CCDC141: variants seen among roughly 807,000 people sequenced by gnomAD.
The protein encoded by CCDC141 is coiled-coil domain-containing protein 141.
In CCDC141, 168 loss-of-function variants were observed where a neutral mutation model predicts 181.0. That is an observed-to-expected ratio of 0.93 (90% CI 0.82 to 1.05). The LOEUF is 1.05. Among genes scored for constraint, CCDC141 ranks in the 50% least tolerant of loss-of-function variants. The pLI is 0.00. For synonymous variants in CCDC141, 666 were observed against 642.3 expected (o/e 1.04, Z -0.56); for missense variants, 1,902 against 1,788.5 (o/e 1.06, Z -1.14).
At chr2:178,842,250 A>G (rs12468141) in intron 22 of CCDC141, among the ~76,000 whole-genome samples, 11,263 of 152,282 alleles carry the variant, frequency 0.074, 602 homozygotes, top group Admixed American at 0.16. Flanking sequence ...TATCAAATTG[A>G]GAGGCTGATC....
Position 179,015,911 on chromosome 2 carries a change from A to C in CCDC141, c.225+31373T>G, listed in dbSNP as rs182811489. 2.1e-3 allele frequency among the ~76,000 whole-genome samples: 282 copies of C among 133,372 alleles called. 1 individual carries two copies. Among genetic ancestry groups the C allele is most frequent in the Non-Finnish European group, 3.5e-3 (227 of 64,738 alleles). The allele number at this position is 133,372 out of a possible 152,430, so 87.5% of individuals were successfully genotyped here. A position where few individuals can be genotyped will look rare whatever the true frequency, so the allele number is the denominator to read the frequency against. On this transcript the variant is annotated intron_variant, in intron 2 of 23. Coordinates refer to ENST00000443758, the MANE Select transcript of CCDC141 (RefSeq NM_173648.4). ...TATATCTCATATATGTATCATATAT[A>C]TCTCATATATATCATATAATTTCAT...
chr2:179,038,454 T>C (rs1467590843), intron 2 of CCDC141, among the ~76,000 whole-genome samples: 3 of 152,120 alleles, frequency 2.0e-5, no homozygotes, highest in Non-Finnish European at 4.4e-5. Context: ...TTGCACAACA[T>C]TGTGAATGTA....
chr2:178,872,334 T>C, intron 12 of CCDC141, 22 bp from the exon 13 acceptor site: 1 of 1,580,168 alleles, frequency 6.3e-7, no homozygotes, highest in Non-Finnish European at 8.6e-7. Flanking sequence ...ATAATTCATA[T>C]AATAGCTTTT....
intron 8 of CCDC141, among the ~76,000 whole-genome samples, chr2:178,899,515 A>G (rs1019237497): frequency 1.3e-5 from 2 of 152,200 alleles, no homozygotes; most frequent in African/African-American, 4.8e-5. Flanking sequence ...TTCATTTTAC[A>G]AAGAGAAAAC....
chr2:178,866,618 A>G lies in CCDC141; in HGVS notation c.2575-702T>C, dbSNP rs572542312. Among the ~76,000 whole-genome samples, 4 of 152,350 alleles carry G rather than the reference A, an allele frequency of 2.6e-5. No homozygotes were observed. The South Asian group carries it at 8.3e-4, about 32-fold the overall frequency. On this transcript the variant is annotated intron_variant, in intron 16 of 23. Transcript: ENST00000443758. ...GGGCCATTATGATTTTATTAATGTT[A>G]TACCTATTGTTAGAGTAAACATAAT...
chr2:178,999,320 G>A (rs1692418513), intron 2 of CCDC141, among the ~76,000 whole-genome samples: 1 of 152,094 alleles, frequency 6.6e-6, no homozygotes, highest in Non-Finnish European at 1.5e-5. Context: ...AAGGCCCACT[G>A]AGTCAACTCC....
At position 178,831,533 on chromosome 2, in the gene CCDC141, G is replaced by A. The variant is rs866010665; in HGVS notation, c.*2640C>T. 1 of 152,250 alleles carries A rather than the reference G, an allele frequency of 6.6e-6. No homozygotes were observed. Among genetic ancestry groups the A allele is most frequent in the South Asian group, 2.1e-4 (1 of 4,820 alleles). The allele number at this position is 152,250 out of a possible 1,614,324, so 9.4% of individuals were successfully genotyped here. On this transcript the variant is annotated 3_prime_UTR_variant, in exon 24 of 24. Coordinates refer to ENST00000443758, the MANE Select transcript of CCDC141 (RefSeq NM_173648.4). Reference sequence around the variant, plus strand: ...TAACCATTCAGGATTTTCTCTAGAAGTAAATGGTTATAAATTATGTATATA... The same window carrying A: ...TAACCATTCAGGATTTTCTCTAGAAATAAATGGTTATAAATTATGTATATA...
intron 6 of CCDC141, among the ~76,000 whole-genome samples, chr2:178,928,388 G>A (rs916608932): frequency 1.3e-5 from 2 of 152,204 alleles, no homozygotes; most frequent in Non-Finnish European, 2.9e-5. Context: ...GTTGTAGGCG[G>A]TTCACAGATT....
intron 2 of CCDC141, among the ~76,000 whole-genome samples, chr2:178,981,527 C>T (rs1414636010): frequency 6.6e-6 from 1 of 150,544 alleles, no homozygotes; most frequent in Non-Finnish European, 1.5e-5. Context: ...CAGGGAAATA[C>T]AAATATTTTG....
intron 6 of CCDC141, among the ~76,000 whole-genome samples, chr2:178,933,723 T>G (rs1322012125): frequency 1.3e-5 from 2 of 152,192 alleles, no homozygotes; most frequent in African/African-American, 2.4e-5. Flanking sequence ...ATACTTTGCT[T>G]GGATGATATT....
chr2:178,816,477 A>G, the CCDC141 span, among the ~76,000 whole-genome samples: 1 of 152,222 alleles, frequency 6.6e-6, no homozygotes, highest in Non-Finnish European at 1.5e-5. Context: ...AGTTTTCGCC[A>G]TTATGAATAA....
chr2:178,827,066 T>C (rs73040346), downstream of CCDC141, among the ~76,000 whole-genome samples: 19,056 of 152,166 alleles, frequency 0.13, 2,339 homozygotes, highest in East Asian at 0.6. Context: ...GGTAATTTCA[T>C]ATTTTTCAAA....
chr2:178,962,101 T>C (rs1690429982), intron 4 of CCDC141, among the ~76,000 whole-genome samples: 2 of 152,122 alleles, frequency 1.3e-5, no homozygotes, highest in Admixed American at 1.3e-4. Flanking sequence ...ATATTTTTAA[T>C]TAAAAAAATC....
At chr2:179,008,787 A>G (rs2042182630) in intron 2 of CCDC141, among the ~76,000 whole-genome samples, 1 of 152,200 alleles carries the variant, frequency 6.6e-6, no homozygotes, top group South Asian at 2.1e-4. Flanking sequence ...CTATCAGGGT[A>G]CCTGAAAATG....
chr2:179,011,857 A>C (rs1256619549), intron 2 of CCDC141, among the ~76,000 whole-genome samples: 1 of 152,108 alleles, frequency 6.6e-6, no homozygotes, highest in Non-Finnish European at 1.5e-5. Flanking sequence ...AAATTAAATA[A>C]TCTCCTGAAT....
At chr2:178,858,315 G>A (rs896693158) in intron 17 of CCDC141, among the ~76,000 whole-genome samples, 6 of 151,994 alleles carry the variant, frequency 3.9e-5, no homozygotes, top group South Asian at 2.1e-4. Flanking sequence ...TTTAATGTGC[G>A]TATGTTTGGT....
At chr2:178,901,309 A>C (rs941715332) in intron 8 of CCDC141, among the ~76,000 whole-genome samples, 1 of 152,174 alleles carries the variant, frequency 6.6e-6, no homozygotes, top group Non-Finnish European at 1.5e-5. Context: ...ACCAAAAAAG[A>C]GAATTTTAGG....
chr2:179,015,402 T>C (rs1011190948), intron 2 of CCDC141, among the ~76,000 whole-genome samples: 10 of 138,848 alleles, frequency 7.2e-5, no homozygotes, highest in African/African-American at 2.4e-4. Context: ...ATCATATATC[T>C]CATATATGTA....
Position 178,834,355 on chromosome 2 carries a change from C to A in CCDC141, c.4411G>T (p.Val1471Leu). The A allele has an allele frequency of 6.5e-7, 1 of 1,536,248 alleles. No homozygotes were observed. The highest frequency in any genetic ancestry group is 8.7e-7 in the Non-Finnish European group (1 of 1,146,872). Reference protein sequence around the residue: ...ETRHSVFIPKVCKADAGLYVA... With the variant: ...ETRHSVFIPKLCKADAGLYVA... ...TAGAGGCCTGCGTCTGCCTTGCATA[C>A]CTTTGGAATGAACACCGAATGCCTT... Residue 1471 changes from valine to leucine, a missense_variant, in exon 24 of 24, where the codon GTA becomes TTA. By Grantham distance (32) the Val-to-Leu change is conservative. Coordinates refer to ENST00000443758, the MANE Select transcript of CCDC141 (RefSeq NM_173648.4).
Sources: allele counts gnomAD v4.1 joint callset (sites outside exome capture counted in the v4.1 genomes callset), GRCh38; gene constraint gnomAD v4.1.1; transcripts MANE v1.5; gene names NCBI Gene and HGNC (gene_info 2026-07-23, HGNC 2026-07-21).